Variants in STIM2 observed in about 807,000 individuals in gnomAD.
The protein encoded by STIM2 is stromal interaction molecule 2.
STIM2 carries 31 observed loss-of-function variants against 85.8 expected under a neutral mutation model. The ratio of observed to expected loss-of-function variants is 0.36; its 90% CI spans 0.27 to 0.49. The LOEUF is 0.49. Among genes scored for constraint, STIM2 ranks in the 20% least tolerant of loss-of-function variants. STIM2 has a pLI of 0.98. For missense variants in STIM2, 841 were observed against 927.6 expected (o/e 0.91, Z 1.21); for synonymous variants, 356 against 331.1 (o/e 1.08, Z -0.82).
At chr4:27,012,820 GT>G (rs2109140646) in intron 10 of STIM2, among the ~76,000 whole-genome samples, 1 of 152,076 alleles carries the variant, frequency 6.6e-6, no homozygotes, top group African/African-American at 2.4e-5. Context: ...GTTAAGGAAA[GT>G]CATTTCTATT....
chr4:26,898,197 T>C (rs1042077483), intron 1 of STIM2, among the ~76,000 whole-genome samples: 2 of 152,242 alleles, frequency 1.3e-5, no homozygotes, highest in South Asian at 4.1e-4. Flanking sequence ...CTGGACTAAT[T>C]TGGATTTGGC....
At chr4:26,923,116 A>G (rs1724868517) in intron 2 of STIM2, among the ~76,000 whole-genome samples, 1 of 151,232 alleles carries the variant, frequency 6.6e-6, no homozygotes, top group African/African-American at 2.4e-5. Context: ...GCAGGGGCAC[A>G]CTGACACGTC....
chr4:26,919,670 G>A, intron 2 of STIM2, 36 bp downstream of exon 2: 1 of 1,605,714 alleles, frequency 6.2e-7, no homozygotes, highest in Non-Finnish European at 8.5e-7. Context: ...TATTGTCTTA[G>A]AACAGAATGA....
At chr4:26,899,394 G>A (rs1262550106) in intron 1 of STIM2, among the ~76,000 whole-genome samples, 1 of 152,050 alleles carries the variant, frequency 6.6e-6, no homozygotes, top group African/African-American at 2.4e-5. Flanking sequence ...TTCGTGTCTA[G>A]TACTGTTCTG....
At chr4:26,902,787 C>T (rs1034439848) in intron 1 of STIM2, among the ~76,000 whole-genome samples, 2 of 152,180 alleles carry the variant, frequency 1.3e-5, no homozygotes, top group South Asian at 2.1e-4. Flanking sequence ...TGTCCTGAGC[C>T]GGAGGGGAAC....
intron 2 of STIM2, among the ~76,000 whole-genome samples, chr4:26,940,100 G>A (rs1725547138): frequency 2.6e-5 from 4 of 152,164 alleles, no homozygotes; most frequent in Admixed American, 2.6e-4. Context: ...TGATGTAGGT[G>A]CAGAACAGGG....
Position 26,860,969 on chromosome 4 carries a change from C to A in STIM2, c.-250C>A. The A allele has an allele frequency of 7.9e-7, 1 of 1,268,838 alleles. No homozygotes were observed. Among genetic ancestry groups the A allele is most frequent in the Non-Finnish European group, 1.0e-6 (1 of 996,130 alleles). The allele number at this position is 1,268,838 out of a possible 1,614,324, so 78.6% of individuals were successfully genotyped here. A position where few individuals can be genotyped will look rare whatever the true frequency, so the allele number is the denominator to read the frequency against. ...AATAACCGGAACCAATGAACGCAGC[C>A]GGGATCAGAGCTCCGGAGGCCGCCG... is the stretch of plus-strand genomic sequence containing the variant. On this transcript the variant is annotated 5_prime_UTR_variant, in exon 1 of 12. Coordinates refer to ENST00000467087, the MANE Select transcript of STIM2 (RefSeq NM_020860.4).
chr4:27,000,334 AC>A, intron 5 of STIM2, among the ~76,000 whole-genome samples: 1 of 152,288 alleles, frequency 6.6e-6, no homozygotes, highest in East Asian at 1.9e-4. Flanking sequence ...GTGGAAATGC[AC>A]TGTTGGTGGA....
chr4:26,972,708 T>G (rs1465758919), intron 3 of STIM2, among the ~76,000 whole-genome samples: 4 of 152,180 alleles, frequency 2.6e-5, no homozygotes, highest in Admixed American at 6.5e-5. Context: ...TCTCTTTTTT[T>G]GTTGTGTCTC....
At position 26,934,867 on chromosome 4, in the gene STIM2, C is replaced by T. The variant is rs554748899; in HGVS notation, c.282+15233C>T. On this transcript the variant is annotated intron_variant, in intron 2 of 11. Transcript: ENST00000467087. Reference sequence around the variant, plus strand: ...GGTGGAGGTTGTAGTGAGCCGAGATCGCGCCATTGAACTACAGCCTGGGCA... The same window carrying T: ...GGTGGAGGTTGTAGTGAGCCGAGATTGCGCCATTGAACTACAGCCTGGGCA... Among the ~76,000 whole-genome samples the T allele has an allele frequency of 2.9e-4, 41 of 143,504 alleles. No homozygotes were observed. In the East Asian group the frequency reaches 5.5e-3, roughly 19 times the overall value. 94.1% of individuals were successfully genotyped at this position (143,504 alleles called of 152,430 possible).
In STIM2 at chr4:26,919,568, T is replaced by C; in HGVS notation, c.216T>C (p.Leu72=). ...AAGACAGATTTAGTCTGGAAGCTCT[T>C]CAAACAATACATAAACAAATGGATG... Residue 72 remains leucine (L), a synonymous_variant, in exon 2 of 12, where the codon CTT becomes CTC. Coordinates refer to ENST00000467087, the MANE Select transcript of STIM2 (RefSeq NM_020860.4). The C allele has an allele frequency of 6.2e-7, 1 of 1,613,682 alleles. No homozygotes were observed. Among genetic ancestry groups the C allele is most frequent in the Non-Finnish European group, 8.5e-7 (1 of 1,179,738 alleles).
At chr4:26,880,995 A>T (rs1466317207) in intron 1 of STIM2, among the ~76,000 whole-genome samples, 1 of 152,052 alleles carries the variant, frequency 6.6e-6, no homozygotes, top group East Asian at 1.9e-4. Context: ...TTCTATATGT[A>T]TATGTAGTAT....
At chr4:26,873,609 A>G (rs889409782) in intron 1 of STIM2, 77 of 512,524 alleles carry the variant, frequency 1.5e-4, no homozygotes, top group Non-Finnish European at 7.6e-5. Context: ...GTGATCAGAC[A>G]GGGCTTGTTT....
At chr4:26,989,833 A>G (rs1341277410) in intron 3 of STIM2, among the ~76,000 whole-genome samples, 1 of 152,210 alleles carries the variant, frequency 6.6e-6, no homozygotes, top group African/African-American at 2.4e-5. Flanking sequence ...TCACTCTGAA[A>G]AAGAAATCAA....
chr4:26,973,420 G>A (rs940827643), intron 3 of STIM2, among the ~76,000 whole-genome samples: 3 of 152,166 alleles, frequency 2.0e-5, no homozygotes, highest in Non-Finnish European at 4.4e-5. Context: ...ATATGTCCCA[G>A]ACATCCTAGT....
chr4:26,954,286 G>T (rs890866439), intron 2 of STIM2, among the ~76,000 whole-genome samples: 1 of 152,052 alleles, frequency 6.6e-6, no homozygotes, highest in African/African-American at 2.4e-5. Context: ...TAAAAGAATC[G>T]TCTGAGCGAA....
In STIM2 at chr4:27,002,357, C is replaced by A; in HGVS notation, c.766C>A (p.Gln256Lys). The A allele has an allele frequency of 6.2e-7, 1 of 1,612,528 alleles. No individual in the cohort carries two copies. The highest frequency in any genetic ancestry group is 1.3e-5 in the African/African-American group (1 of 74,890). The stretch of plus-strand genomic sequence containing the variant: ...AATGATGAAAGATTTAGAGAGCTTA[C>A]AAACTGCAGAGCAAAGTCTAATGGA... The change falls in exon 6 of 12, where the codon CAA becomes AAA. Residue 256 changes from glutamine (Q) to lysine (K), a missense_variant. Physicochemically the swap from Gln to Lys is moderately conservative, Grantham distance 53 (BLOSUM62 1). Transcript: ENST00000467087.
intron 3 of STIM2, among the ~76,000 whole-genome samples, chr4:26,973,751 G>A (rs1005661296): frequency 4.6e-5 from 7 of 152,170 alleles, no homozygotes; most frequent in African/African-American, 1.7e-4. Context: ...ATGTCTATTA[G>A]GTCCGCTTGG....
At chr4:26,988,208 C>T (rs1377078784) in intron 3 of STIM2, among the ~76,000 whole-genome samples, 2 of 152,144 alleles carry the variant, frequency 1.3e-5, no homozygotes, top group East Asian at 3.9e-4. Flanking sequence ...TCTAAGAACT[C>T]ATCATCCAGA....
Sources: gnomAD v4.1 joint callset for allele counts (sites outside exome capture counted in the v4.1 genomes callset) on GRCh38, gnomAD v4.1.1 for gene constraint, MANE v1.5 for transcripts, NCBI Gene and HGNC (gene_info 2026-07-23, HGNC 2026-07-21) for gene names.